Variants in TK2 observed in about 807,000 individuals in gnomAD.
TK2 encodes the protein thymidine kinase 2, also known as thymidine kinase 2, mitochondrial.
A neutral mutation model predicts 41.9 loss-of-function variants in TK2; 35 were observed. The observed-to-expected ratio is 0.84, with a 90% confidence interval of 0.64 to 1.11. The LOEUF is 1.11. Ranked by LOEUF, TK2 falls within the 50% of genes least tolerant of loss-of-function variation. The pLI is 0.00. For missense variants in TK2, 320 were observed against 351.1 expected (o/e 0.91, Z 0.71); for synonymous variants, 128 against 129.1 (o/e 0.99, Z 0.06).
chr16:66,527,904 T>C (rs1238813602), intron 6 of TK2, among the ~76,000 whole-genome samples: 2 of 151,990 alleles, frequency 1.3e-5, no homozygotes, highest in African/African-American at 2.4e-5. Flanking sequence ...TGGTGGTGTG[T>C]GCCTGTAGTC....
At chr16:66,545,778 C>T (rs185728271) in intron 2 of TK2, among the ~76,000 whole-genome samples, 1 of 151,552 alleles carries the variant, frequency 6.6e-6, no homozygotes, top group African/African-American at 2.4e-5. Context: ...GAGCCAAGAT[C>T]ATGCCATTGC....
In TK2 at chr16:66,550,103, G is replaced by C; in HGVS notation, c.-42C>G. ...CCAGAGGCCCGGGGTTCCTTCTTGT[G>C]CGAGTCGGCGCGGACGACTGCTAGT... On this transcript the variant is annotated 5_prime_UTR_variant, in exon 1 of 10. Coordinates refer to ENST00000544898, the MANE Select transcript of TK2 (RefSeq NM_004614.5). The C allele has an allele frequency of 6.2e-7, 1 of 1,608,436 alleles. No homozygotes were observed. Among genetic ancestry groups the C allele is most frequent in the Non-Finnish European group, 8.5e-7 (1 of 1,178,438 alleles).
At chr16:66,548,874 G>T in intron 2 of TK2, 104 bp downstream of exon 2, 1 of 1,089,420 alleles carries the variant, frequency 9.2e-7, no homozygotes, top group Non-Finnish European at 1.4e-6. Flanking sequence ...TTGTATTTTT[G>T]CTTTTTACTA....
chr16:66,515,936 C>T (rs1463715746), intron 8 of TK2, among the ~76,000 whole-genome samples: 1 of 152,174 alleles, frequency 6.6e-6, no homozygotes, highest in African/African-American at 2.4e-5. Flanking sequence ...GAGCTCAGAG[C>T]CCCTGACACC....
At position 66,511,718 on chromosome 16, in the gene TK2, G is replaced by A; in HGVS notation, c.*250C>T. 1 of 568,962 alleles carries A rather than the reference G, an allele frequency of 1.8e-6. No homozygotes were observed. Among genetic ancestry groups the A allele is most frequent in the Non-Finnish European group, 3.2e-6 (1 of 315,868 alleles). The allele number at this position is 568,962 out of a possible 1,614,324, so 35.2% of individuals were successfully genotyped here. ...GCGACTCAGCAGCACAAAGCCATGG[G>A]AGAGGCACCGGGGGAATGTGAGGCT... On this transcript the variant is annotated 3_prime_UTR_variant, in exon 10 of 10. Coordinates refer to ENST00000544898, the MANE Select transcript of TK2 (RefSeq NM_004614.5).
rs1247742483 is a variant in TK2, at chr16:66,512,851, C to G, written c.700-785G>C. ...CCGGCAACCTCACTGCCTGCAAGAG[C>G]CATAAGCAGAAGTGTTTGAGCCCAA... On this transcript the variant is annotated intron_variant, in intron 9 of 9. Coordinates refer to ENST00000544898, the MANE Select transcript of TK2 (RefSeq NM_004614.5). Among the ~76,000 whole-genome samples, 7 of 152,172 alleles carry G rather than the reference C, an allele frequency of 4.6e-5. No individual in the cohort carries two copies. In the East Asian group the frequency reaches 9.6e-4, roughly 21 times the overall value.
intron 1 of TK2, chr16:66,549,534 A>C (rs1308426309): frequency 1.9e-6 from 2 of 1,044,272 alleles, no homozygotes; most frequent in Admixed American, 5.3e-5. Flanking sequence ...CAGGGAGGGC[A>C]GGAGAGCGCC....
At position 66,527,719 on chromosome 16, in the gene TK2, C is replaced by T. The variant is rs549144005; in HGVS notation, c.449+1275G>A. The stretch of plus-strand genomic sequence containing the variant: ...CCTTAAATACTACAAAGAAAACTAA[C>T]AGAAAGTAGTCCTTAAGAATAACAA... On this transcript the variant is annotated intron_variant, in intron 6 of 9. Transcript: ENST00000544898. Among the ~76,000 whole-genome samples, 134 of 152,218 alleles carry T rather than the reference C, an allele frequency of 8.8e-4. 4 individuals are homozygous for T. The South Asian group carries it at 0.027, about 31-fold the overall frequency.
In TK2 at chr16:66,541,874, T is replaced by C. The variant is rs1195695333; in HGVS notation, c.231+5A>G. The C allele has an allele frequency of 4.3e-6, 7 of 1,614,034 alleles. No individual in the cohort carries two copies. The highest frequency in any genetic ancestry group is 1.1e-5 in the South Asian group (1 of 91,090). On this transcript the variant is annotated splice_donor_5th_base_variant and intron_variant, in intron 3 of 9. Coordinates refer to ENST00000544898, the MANE Select transcript of TK2 (RefSeq NM_004614.5). ...CTTCCTTCAAACCTAGCATAGAGGC[T>C]GTACCTCGACGTCTGTCGCGTTGGA... is the stretch of plus-strand genomic sequence containing the variant.
chr16:66,513,701 T>A (rs775401681), intron 9 of TK2, 30 bp downstream of exon 9: 1 of 1,604,714 alleles, frequency 6.2e-7, no homozygotes, highest in Non-Finnish European at 8.5e-7. Context: ...TCTAGAACAG[T>A]CTCGTACCCT....
chr16:66,535,357 A>G (rs1199909670), intron 4 of TK2, among the ~76,000 whole-genome samples: 1 of 152,120 alleles, frequency 6.6e-6, no homozygotes, highest in Non-Finnish European at 1.5e-5. Context: ...GTCACTTATG[A>G]TCCCTAACAC....
chr16:66,529,924 T>A (rs945007964), intron 5 of TK2, among the ~76,000 whole-genome samples: 12 of 152,364 alleles, frequency 7.9e-5, no homozygotes, highest in Admixed American at 6.5e-4. Context: ...TCTGCTCATC[T>A]TTCCTGGTCT....
chr16:66,544,260 G>T (rs1162162889), intron 2 of TK2, among the ~76,000 whole-genome samples: 1 of 152,134 alleles, frequency 6.6e-6, no homozygotes, highest in Admixed American at 6.5e-5. Context: ...GGAACAGGAA[G>T]CAAGCAAAGG....
rs1255605047 is a variant in TK2, at chr16:66,511,670, C to T, written c.*298G>A. 2.1e-6 allele frequency: 1 copy of T among 474,372 alleles called. No individual in the cohort carries two copies. The highest frequency in any genetic ancestry group is 3.9e-6 in the Non-Finnish European group (1 of 258,256). 29.4% of individuals were successfully genotyped at this position (474,372 alleles called of 1,614,324 possible). On this transcript the variant is annotated 3_prime_UTR_variant, in exon 10 of 10. Transcript: ENST00000544898. ...CGTGGTGTCAGGCACACAACAGGTG[C>T]TCTCCCTAAGGGCTTCATGAGAGCG...
At chr16:66,526,147 G>T (rs184402135) in intron 6 of TK2, among the ~76,000 whole-genome samples, 2 of 152,164 alleles carry the variant, frequency 1.3e-5, no homozygotes, top group Admixed American at 1.3e-4. Context: ...TCTACCTAGC[G>T]CTGGGTGGCC....
rs1044213814 is a variant in TK2, at chr16:66,510,945, T to C, written c.*1023A>G. 6.6e-6 allele frequency: 1 copy of C among 152,124 alleles called. No individual in the cohort carries two copies. Among genetic ancestry groups the C allele is most frequent in the Admixed American group, 6.5e-5 (1 of 15,270 alleles). The allele number at this position is 152,124 out of a possible 1,614,324, so 9.4% of individuals were successfully genotyped here. On this transcript the variant is annotated 3_prime_UTR_variant, in exon 10 of 10. Transcript: ENST00000544898. ...GCTCGAGGCATTTCCCTGGATGAAATAACACTTCAAAAAGACTTAAGGCCA... is the reference window on the plus strand; with the variant it reads ...GCTCGAGGCATTTCCCTGGATGAAACAACACTTCAAAAAGACTTAAGGCCA...
rs138479499 is a variant in TK2 at position 66,529,028 on chromosome 16, C to T, written c.415G>A (p.Ala139Thr). The change falls in exon 6 of 10, where the codon GCA becomes ACA. Residue 139 changes from alanine (A) to threonine (T), a missense_variant. By Grantham distance (58) the Ala-to-Thr change is moderately conservative. Coordinates refer to ENST00000544898, the MANE Select transcript of TK2 (RefSeq NM_004614.5). ...AGGTTTTCTACAAAAATGTATCTTG[C>T]GCTGTGAATCGACCTCTCCATCAAC... The part of the protein sequence containing the change: ...VRLMERSIHS[A>T]RYIFVENLYR... 8.5e-5 allele frequency: 137 copies of T among 1,614,082 alleles called. No homozygotes were observed. The highest frequency in any genetic ancestry group is 2.9e-4 in the East Asian group (13 of 44,890).
intron 1 of TK2, chr16:66,549,259 GCATTTTC>G: frequency 2.3e-5 from 31 of 1,325,642 alleles, no homozygotes; most frequent in Non-Finnish European, 2.8e-5. Flanking sequence ...ATTATACTTT[GCATTTTC>G]CACGTTATTT....
chr16:66,512,209 GA>G, intron 9 of TK2, 143 bp from the exon 10 acceptor site: 1 of 756,760 alleles, frequency 1.3e-6, no homozygotes, highest in East Asian at 2.6e-5. Flanking sequence ...AGGAAGGTTA[GA>G]GCCAAATCGC....
Sources: gnomAD v4.1 joint callset for allele counts (sites outside exome capture counted in the v4.1 genomes callset) on GRCh38, gnomAD v4.1.1 for gene constraint, MANE v1.5 for transcripts, NCBI Gene and HGNC (gene_info 2026-07-23, HGNC 2026-07-21) for gene names.